The following ROBO1 variants were observed in gnomAD, a reference collection of about 807,000 sequenced individuals.
ROBO1 encodes roundabout guidance receptor 1.
In ROBO1, 149 loss-of-function variants were observed where a neutral mutation model predicts 195.9. The ratio of observed to expected loss-of-function variants is 0.76; its 90% CI spans 0.67 to 0.87. The LOEUF (loss-of-function observed/expected upper bound fraction) is 0.87. Among genes scored for constraint, ROBO1 ranks in the 40% least tolerant of loss-of-function variants. The probability of loss-of-function intolerance (pLI) is 0.00; values close to 1 mark genes in which losing one functional copy is unlikely to be tolerated. For missense variants in ROBO1, 1,933 were observed against 2,068.3 expected (o/e 0.93, Z 1.27); for synonymous variants, 816 against 733.2 (o/e 1.11, Z -1.82).
chr3:79,320,215 T>C (rs1047314661), intron 2 of ROBO1, among the ~76,000 whole-genome samples: 1 of 152,232 alleles, frequency 6.6e-6, no homozygotes, highest in East Asian at 1.9e-4. Flanking sequence ...TCTCTCATTG[T>C]ATGCTTGCAC....
intron 2 of ROBO1, among the ~76,000 whole-genome samples, chr3:79,149,846 T>C (rs966349970): frequency 1.3e-5 from 2 of 151,786 alleles, no homozygotes; most frequent in Non-Finnish European, 2.9e-5. Flanking sequence ...CGTTAGGCCC[T>C]TATAAAAGAG....
rs1702947030 is a variant in ROBO1 at position 78,598,136 on chromosome 3, A to G, written c.*777T>C. The G allele has an allele frequency of 6.5e-6, 1 of 152,732 alleles. No individual in the cohort carries two copies. Among genetic ancestry groups the G allele is most frequent in the South Asian group, 2.1e-4 (1 of 4,830 alleles). 9.5% of individuals were successfully genotyped at this position (152,732 alleles called of 1,614,324 possible). A position where few individuals can be genotyped will look rare whatever the true frequency, so the allele number is the denominator to read the frequency against. Reference sequence around the variant, plus strand: ...ATCCACTTGTTTGTAATACGTATTTATAATTACTTTTTGATGATTGAAAAA... The same window carrying G: ...ATCCACTTGTTTGTAATACGTATTTGTAATTACTTTTTGATGATTGAAAAA... On this transcript the variant is annotated 3_prime_UTR_variant, in exon 31 of 31. Transcript: ENST00000464233.
chr3:79,017,269 TCTG>T (rs2077967158), intron 3 of ROBO1, among the ~76,000 whole-genome samples: 1 of 152,044 alleles, frequency 6.6e-6, no homozygotes, highest in East Asian at 1.9e-4. Context: ...CTTTTCTTAC[TCTG>T]TTAACTGTCT....
At chr3:79,505,461 A>C (rs2107520459) in intron 2 of ROBO1, among the ~76,000 whole-genome samples, 1 of 152,332 alleles carries the variant, frequency 6.6e-6, no homozygotes, top group East Asian at 1.9e-4. Flanking sequence ...TCAGGAAAGC[A>C]AGGTATATGT....
At chr3:79,337,120 G>C (rs746071721) in intron 2 of ROBO1, among the ~76,000 whole-genome samples, 4 of 152,136 alleles carry the variant, frequency 2.6e-5, no homozygotes, top group Non-Finnish European at 4.4e-5. Context: ...GCTCATAAGT[G>C]GAAGGGACTT....
intron 3 of ROBO1, among the ~76,000 whole-genome samples, chr3:79,097,164 T>G (rs1382608471): frequency 6.6e-6 from 1 of 151,820 alleles, no homozygotes; most frequent in African/African-American, 2.4e-5. Context: ...AGTCTACACA[T>G]GGAACCACTT....
intron 2 of ROBO1, among the ~76,000 whole-genome samples, chr3:79,563,435 ACAGT>A (rs1243472026): frequency 1.3e-5 from 2 of 152,108 alleles, no homozygotes; most frequent in Non-Finnish European, 2.9e-5. Context: ...TTGGTATTGA[ACAGT>A]CATTTTAGTG....
At chr3:79,545,128 G>A (rs1942217321) in intron 2 of ROBO1, among the ~76,000 whole-genome samples, 1 of 152,088 alleles carries the variant, frequency 6.6e-6, no homozygotes, top group Admixed American at 6.6e-5. Context: ...TACTCAATGA[G>A]CTGCGTATGA....
chr3:79,123,870 T>A (rs546715663), intron 3 of ROBO1, among the ~76,000 whole-genome samples: 1 of 152,104 alleles, frequency 6.6e-6, no homozygotes, highest in Non-Finnish European at 1.5e-5. Flanking sequence ...TAATGCTATA[T>A]TTAATCTGAA....
intron 3 of ROBO1, among the ~76,000 whole-genome samples, chr3:79,000,585 C>T (rs539974999): frequency 3.3e-5 from 5 of 152,264 alleles, no homozygotes; most frequent in African/African-American, 4.8e-5. Flanking sequence ...TACCATCTCA[C>T]ACCAGTTAGA....
chr3:79,443,377 T>C (rs574044736), intron 2 of ROBO1, among the ~76,000 whole-genome samples: 18 of 152,194 alleles, frequency 1.2e-4, no homozygotes, highest in Admixed American at 2.6e-4. Context: ...GTGAATTAAC[T>C]ATCTCGGTTA....
At position 79,021,217 on chromosome 3, in the gene ROBO1, A is replaced by C. The variant is rs77685149; in HGVS notation, c.173-82290T>G. Among the ~76,000 whole-genome samples the C allele has an allele frequency of 2.6e-3, 390 of 152,322 alleles. 5 individuals are homozygous for C. Among genetic ancestry groups the C allele is most frequent in the African/African-American group, 9.0e-3 (373 of 41,570 alleles). ...ATGGGCAGTCAAAGCTGAAAAGCAT[A>C]CATCGATTTGGTCTTGCTAAAGGAT... On this transcript the variant is annotated intron_variant, in intron 3 of 30. Coordinates refer to ENST00000464233, the MANE Select transcript of ROBO1 (RefSeq NM_002941.4).
At position 78,735,398 on chromosome 3, in the gene ROBO1, C is replaced by T. The variant is rs142421950; in HGVS notation, c.657+11345G>A. On this transcript the variant is annotated intron_variant, in intron 5 of 30. Coordinates refer to ENST00000464233, the MANE Select transcript of ROBO1 (RefSeq NM_002941.4). ...CTTGACCAAGGTCTGGTTGTTAGGG[C>T]AGTTTCAAAAATGTGCTTTGGACAT... is the stretch of plus-strand genomic sequence containing the variant. 2.3e-3 allele frequency among the ~76,000 whole-genome samples: 349 copies of T among 152,258 alleles called. 8 individuals carry two copies. The highest frequency in any genetic ancestry group is 3.4e-3 in the Middle Eastern group (1 of 294).
chr3:78,936,637 C>A (rs921275239), intron 4 of ROBO1, among the ~76,000 whole-genome samples: 1 of 151,862 alleles, frequency 6.6e-6, no homozygotes, highest in African/African-American at 2.4e-5. Flanking sequence ...AGCTATTGTA[C>A]ATAATTTAGA....
intron 2 of ROBO1, among the ~76,000 whole-genome samples, chr3:79,395,340 A>AAAAAAAAAAAAG (rs71631648): frequency 5.3e-4 from 63 of 119,050 alleles, no homozygotes; most frequent in East Asian, 1.1e-3. Context: ...AAAAAAAAAA[A>AAAAAAAAAAAAG]AAAGAAAGAA....
At chr3:78,943,627 GA>G (rs1313259294) in intron 3 of ROBO1, among the ~76,000 whole-genome samples, 1 of 152,228 alleles carries the variant, frequency 6.6e-6, no homozygotes, top group African/African-American at 2.4e-5. Flanking sequence ...TGTACAAGAA[GA>G]GGGGTATAAT....
chr3:78,982,979 C>T (rs1043593187), intron 3 of ROBO1, among the ~76,000 whole-genome samples: 5 of 151,882 alleles, frequency 3.3e-5, no homozygotes, highest in African/African-American at 1.2e-4. Flanking sequence ...ATGATCATGG[C>T]TCACTGCAAC....
chr3:78,647,534 A>G (rs1308815075), intron 20 of ROBO1, 95 bp downstream of exon 20: 2 of 1,209,406 alleles, frequency 1.7e-6, no homozygotes, highest in South Asian at 1.2e-5. Flanking sequence ...CTTTCCCCCA[A>G]CTTACTGCAG....
At chr3:78,716,568 C>G (rs772436544) in intron 7 of ROBO1, among the ~76,000 whole-genome samples, 3 of 152,168 alleles carry the variant, frequency 2.0e-5, no homozygotes, top group Non-Finnish European at 2.9e-5. Context: ...GGTGGGGACA[C>G]AAAGCCAAAC....
Sources: gnomAD v4.1 joint callset for allele counts (sites outside exome capture counted in the v4.1 genomes callset) on GRCh38, gnomAD v4.1.1 for gene constraint, MANE v1.5 for transcripts, NCBI Gene and HGNC (gene_info 2026-07-23, HGNC 2026-07-21) for gene names.